Variants in HIVEP1 observed in about 807,000 individuals in gnomAD.
HIVEP1 encodes the protein HIVEP zinc finger 1, also known as zinc finger protein 40.
HIVEP1 carries 36 observed loss-of-function variants against 180.0 expected under a neutral mutation model. That is an observed-to-expected ratio of 0.20 (90% CI 0.15 to 0.26). The LOEUF (loss-of-function observed/expected upper bound fraction) is 0.26, where lower values mean the gene tolerates loss of function less well. Among genes scored for constraint, HIVEP1 ranks in the 10% least tolerant of loss-of-function variants. The pLI is 1.00. For synonymous variants in HIVEP1, 1,239 were observed against 1,239.0 expected, an observed-to-expected ratio of 1.00 and a Z score of 0.00; for missense variants, 3,143 against 3,268.7, an observed-to-expected ratio of 0.96 and a Z score of 0.94.
intron 3 of HIVEP1, among the ~76,000 whole-genome samples, chr6:12,094,388 C>G (rs1275109217): frequency 5.9e-5 from 9 of 151,798 alleles, no homozygotes; most frequent in Non-Finnish European, 1.3e-4. Context: ...TAGACTTGCT[C>G]CTGATTTTAA....
At chr6:12,179,628 G>T in the HIVEP1 span, among the ~76,000 whole-genome samples, 12 of 152,166 alleles carry the variant, frequency 7.9e-5, no homozygotes, top group Non-Finnish European at 1.5e-5. Context: ...CAAGGCCAAG[G>T]TTGCTCTCCT....
the HIVEP1 span, among the ~76,000 whole-genome samples, chr6:12,185,005 A>G: frequency 1.3e-5 from 2 of 152,228 alleles, no homozygotes; most frequent in Non-Finnish European, 2.9e-5. Context: ...AAACATTTTT[A>G]TATTAAAAAG....
rs1757609804 is a variant in HIVEP1, at chr6:12,120,996, A to G, written c.1201A>G (p.Lys401Glu). 1.9e-6 allele frequency: 3 copies of G among 1,614,206 alleles called. No homozygotes were observed. Among genetic ancestry groups the G allele is most frequent in the Non-Finnish European group, 2.5e-6 (3 of 1,180,028 alleles). Residue 401 changes from lysine to glutamate, a missense_variant, in exon 4 of 9, where the codon AAA (lysine) becomes GAA (glutamate). Lys to Glu is a moderately conservative substitution (Grantham distance 56, BLOSUM62 1). Coordinates refer to ENST00000379388, the MANE Select transcript of HIVEP1 (RefSeq NM_002114.4). The stretch of plus-strand genomic sequence containing the variant: ...TCTTCTTCTGAAAGATCAGAAGCCA[A>G]AAAAACAAGGAAAATATATTTGTGA... ...CNLLLKDQKP[K>E]KQGKYICEYC...
chr6:12,020,878 C>CTT, intron 2 of HIVEP1, among the ~76,000 whole-genome samples: 1 of 96,154 alleles, frequency 1.0e-5, no homozygotes. Flanking sequence ...AACCAGATTT[C>CTT]TTTCTTTCTT....
rs1758039085 is a variant in HIVEP1, at chr6:12,125,883, T to C, written c.6075+13T>C. On this transcript the variant is annotated intron_variant, in intron 4 of 8. Transcript: ENST00000379388. ...CAGCTTAAGCAAGGTACTTGAAATA[T>C]AATTTATCTTCAGATATGGTTTGCG... 6.6e-7 allele frequency: 1 copy of C among 1,507,580 alleles called. No individual in the cohort carries two copies. 93.4% of individuals were successfully genotyped at this position (1,507,580 alleles called of 1,614,324 possible). A position where few individuals can be genotyped will look rare whatever the true frequency, so the allele number is the denominator to read the frequency against.
At position 12,124,606 on chromosome 6, in the gene HIVEP1, A is replaced by G. The variant is rs373548990; in HGVS notation, c.4811A>G (p.Lys1604Arg). 1.2e-6 allele frequency: 2 copies of G among 1,614,126 alleles called. No individual in the cohort carries two copies. The highest frequency in any genetic ancestry group is 1.1e-5 in the South Asian group (1 of 91,074). The change falls in exon 4 of 9, where the codon AAA (lysine) becomes AGA (arginine). Residue 1604 changes from lysine to arginine, a missense_variant. Physicochemically the swap from Lys to Arg is conservative, Grantham distance 26 (BLOSUM62 2). Coordinates refer to ENST00000379388, the MANE Select transcript of HIVEP1 (RefSeq NM_002114.4). ...GTGACATCAGCAACATTACCAACCA[A>G]ATTAATTGACAGCATGTCTAATTCG... is the stretch of plus-strand genomic sequence containing the variant. ...HCVTSATLPT[K>R]LIDSMSNSHP...
At chr6:12,013,145 C>G (rs1767493641) in intron 1 of HIVEP1, among the ~76,000 whole-genome samples, 1 of 152,152 alleles carries the variant, frequency 6.6e-6, no homozygotes, top group South Asian at 2.1e-4. Context: ...CGCCTCATCT[C>G]GTCCTCCTCC....
At chr6:12,143,325 A>G (rs1334416843) in intron 7 of HIVEP1, among the ~76,000 whole-genome samples, 1 of 152,264 alleles carries the variant, frequency 6.6e-6, no homozygotes, top group African/African-American at 2.4e-5. Context: ...GCTTTCAACA[A>G]AATTCAATAG....
At chr6:12,162,418 A>G (rs1368818422) in intron 8 of HIVEP1, among the ~76,000 whole-genome samples, 2 of 152,178 alleles carry the variant, frequency 1.3e-5, no homozygotes, top group African/African-American at 4.8e-5. Context: ...ACCCGAAAAC[A>G]CATCAAGAAG....
At chr6:12,187,441 C>T in the HIVEP1 span, among the ~76,000 whole-genome samples, 1 of 152,078 alleles carries the variant, frequency 6.6e-6, no homozygotes, top group African/African-American at 2.4e-5. Flanking sequence ...CCTCACCCAT[C>T]CCTTGCGTCC....
At chr6:12,021,256 G>A (rs1768183563) in intron 2 of HIVEP1, among the ~76,000 whole-genome samples, 1 of 152,184 alleles carries the variant, frequency 6.6e-6, no homozygotes, top group Admixed American at 6.5e-5. Flanking sequence ...GACACATGGG[G>A]TCGCTTTCCA....
Position 12,121,574 on chromosome 6 carries a change from G to T in HIVEP1, c.1779G>T (p.Gln593His). 6.2e-7 allele frequency: 1 copy of T among 1,614,200 alleles called. No individual in the cohort carries two copies. Among genetic ancestry groups the T allele is most frequent in the Non-Finnish European group, 8.5e-7 (1 of 1,180,036 alleles). Residue 593 changes from glutamine to histidine, a missense_variant, in exon 4 of 9, where the codon CAG becomes CAT. Gln to His is a conservative substitution (Grantham distance 24). Around this residue, in one of 12 missense-constraint regions of HIVEP1, gnomAD observed 365 missense variants for 344.4 expected, o/e 1.06. Transcript: ENST00000379388. This position sits in a 1 kb window ranked among gnomAD's most constrained non-coding sequence, Gnocchi z 5.3. ...CTGAACTTTCTAGTGCACAAAAGCA[G>T]AAGGACCTTCAGGTGACAAACGTAC... ...PKPELSSAQK[Q>H]KDLQVTNVQP...
chr6:12,042,631 C>T (rs1432385330), intron 2 of HIVEP1, among the ~76,000 whole-genome samples: 2 of 151,718 alleles, frequency 1.3e-5, no homozygotes, highest in African/African-American at 4.8e-5. Flanking sequence ...TAGTTGAATC[C>T]GTCAACATGT....
At chr6:12,109,065 C>T (rs190850514) in intron 3 of HIVEP1, among the ~76,000 whole-genome samples, 207 of 152,304 alleles carry the variant, frequency 1.4e-3, no homozygotes, top group Non-Finnish European at 2.3e-3. Context: ...CTGCAAGCTC[C>T]GCCTCCCAGG....
intron 2 of HIVEP1, among the ~76,000 whole-genome samples, chr6:12,054,888 C>T (rs1000449943): frequency 1.3e-5 from 2 of 152,158 alleles, no homozygotes; most frequent in African/African-American, 4.8e-5. Context: ...AAAAAATTAT[C>T]TACATGTTAA....
At chr6:12,014,696 T>C (rs144501182) in intron 1 of HIVEP1, among the ~76,000 whole-genome samples, 1 of 152,354 alleles carries the variant, frequency 6.6e-6, no homozygotes, top group Non-Finnish European at 1.5e-5. Flanking sequence ...TTTGGGGAGA[T>C]AGGTGATTCG....
At chr6:12,044,780 A>G (rs1033707834) in intron 2 of HIVEP1, among the ~76,000 whole-genome samples, 6 of 150,088 alleles carry the variant, frequency 4.0e-5, no homozygotes, top group African/African-American at 1.5e-4. Context: ...GCACCTGTGT[A>G]CAGCTGAGGG....
At chr6:12,109,631 T>C (rs1774754186) in intron 3 of HIVEP1, among the ~76,000 whole-genome samples, 2 of 152,254 alleles carry the variant, frequency 1.3e-5, no homozygotes, top group South Asian at 2.1e-4. Context: ...AGCTCCACTT[T>C]AGTTCTGCTT....
At chr6:12,033,016 T>C (rs773516768) in intron 2 of HIVEP1, among the ~76,000 whole-genome samples, 7 of 152,356 alleles carry the variant, frequency 4.6e-5, no homozygotes, top group Middle Eastern at 3.4e-3. Flanking sequence ...AATGAACTCA[T>C]ATGTAGACGG....
Sources: allele counts gnomAD v4.1 joint callset (sites outside exome capture counted in the v4.1 genomes callset), GRCh38; gene constraint gnomAD v4.1.1; regional missense constraint gnomAD v4.1.1; non-coding constraint Gnocchi (gnomAD v3.1); transcripts MANE v1.5; gene names NCBI Gene and HGNC (gene_info 2026-07-23, HGNC 2026-07-21).